The following RERE variants were observed in gnomAD, a reference collection of about 807,000 sequenced individuals.
RERE encodes arginine-glutamic acid dipeptide repeats protein.
RERE carries 40 observed loss-of-function variants against 146.1 expected under a neutral mutation model. The ratio of observed to expected loss-of-function variants is 0.27; its 90% CI spans 0.21 to 0.36. RERE has a LOEUF of 0.36. Ranked by LOEUF, RERE falls within the 10% of genes least tolerant of loss-of-function variation. RERE has a pLI of 1.00. For synonymous variants in RERE, 1,003 were observed against 866.0 expected (o/e 1.16, Z -2.78); for missense variants, 1,933 against 2,138.7 (o/e 0.90, Z 1.90).
intron 12 of RERE, among the ~76,000 whole-genome samples, chr1:8,386,674 T>G (rs928833791): frequency 2.0e-5 from 3 of 151,844 alleles, no homozygotes; most frequent in African/African-American, 7.2e-5. Context: ...AAACTCATTA[T>G]AGGATGCCCA....
intron 1 of RERE, among the ~76,000 whole-genome samples, chr1:8,715,503 C>T (rs1446378564): frequency 6.6e-6 from 1 of 151,890 alleles, no homozygotes; most frequent in Non-Finnish European, 1.5e-5. Flanking sequence ...AAGAGCGAAA[C>T]TCCGTCTTAA....
At chr1:8,770,530 C>T (rs1041933765) in intron 1 of RERE, among the ~76,000 whole-genome samples, 3 of 152,198 alleles carry the variant, frequency 2.0e-5, no homozygotes, top group African/African-American at 7.2e-5. Flanking sequence ...CTACTACGTA[C>T]TAGCTCTGTC....
intron 10 of RERE, among the ~76,000 whole-genome samples, chr1:8,473,075 G>C (rs1321074): frequency 6.6e-6 from 1 of 152,148 alleles, no homozygotes; most frequent in Non-Finnish European, 1.5e-5. Context: ...TTCCATCTCA[G>C]AACTATGCCT....
chr1:8,667,908 G>A (rs1253649959), intron 1 of RERE, among the ~76,000 whole-genome samples: 1 of 152,104 alleles, frequency 6.6e-6, no homozygotes, highest in African/African-American at 2.4e-5. Flanking sequence ...TTTGTTGTGG[G>A]GGGCTATCCT....
chr1:8,815,829 T>TTGTGTGTGTGTG (rs539845789), intron 1 of RERE, among the ~76,000 whole-genome samples: 2,019 of 149,900 alleles, frequency 0.013, 19 homozygotes, highest in Middle Eastern at 0.054. Flanking sequence ...CAGCTTGGTA[T>TTGTGTGTGTGTG]TGTGTGTGTG....
At chr1:8,608,959 C>T (rs1427835197) in intron 4 of RERE, among the ~76,000 whole-genome samples, 1 of 152,056 alleles carries the variant, frequency 6.6e-6, no homozygotes, top group Non-Finnish European at 1.5e-5. Context: ...TGGCTCATTC[C>T]TGTAATCCCA....
chr1:8,700,089 A>AAGGTC (rs1639414951), intron 1 of RERE, among the ~76,000 whole-genome samples: 1 of 152,106 alleles, frequency 6.6e-6, no homozygotes, highest in Non-Finnish European at 1.5e-5. Context: ...AGTGGATCAC[A>AAGGTC]AGGTCAGGAG....
chr1:8,534,533 C>T (rs1645699632), intron 7 of RERE, among the ~76,000 whole-genome samples: 1 of 152,178 alleles, frequency 6.6e-6, no homozygotes, highest in Non-Finnish European at 1.5e-5. Context: ...AGAGCAGCAA[C>T]ACAAAGTAAT....
At chr1:8,405,419 G>C (rs566724937) in intron 12 of RERE, among the ~76,000 whole-genome samples, 1 of 152,200 alleles carries the variant, frequency 6.6e-6, no homozygotes, top group East Asian at 1.9e-4. Flanking sequence ...TTTTAAAAAT[G>C]CAACCATCAA....
intron 7 of RERE, among the ~76,000 whole-genome samples, chr1:8,513,405 A>G (rs1232470945): frequency 6.6e-6 from 1 of 152,210 alleles, no homozygotes; most frequent in Non-Finnish European, 1.5e-5. Context: ...TTTGAATTCA[A>G]TCTGCTGCAA....
At chr1:8,719,367 A>T (rs1639820032) in intron 1 of RERE, among the ~76,000 whole-genome samples, 2 of 152,156 alleles carry the variant, frequency 1.3e-5, no homozygotes, top group South Asian at 2.1e-4. Flanking sequence ...AAAGTAATCC[A>T]CCCCTAAATG....
chr1:8,651,695 C>T (rs1647638883), intron 2 of RERE, among the ~76,000 whole-genome samples: 1 of 150,720 alleles, frequency 6.6e-6, no homozygotes, highest in African/African-American at 2.4e-5. Flanking sequence ...CACTGACAGC[C>T]TGGATGACAG....
intron 10 of RERE, among the ~76,000 whole-genome samples, chr1:8,467,217 A>G (rs1644611503): frequency 6.6e-6 from 1 of 152,254 alleles, no homozygotes; most frequent in African/African-American, 2.4e-5. Context: ...TATTTTAACA[A>G]TGAGCCAGCA....
At chr1:8,410,533 T>C (rs1643584813) in intron 12 of RERE, among the ~76,000 whole-genome samples, 1 of 152,084 alleles carries the variant, frequency 6.6e-6, no homozygotes, top group East Asian at 1.9e-4. Flanking sequence ...GCCCGAAAAA[T>C]GGAACTGTTC....
At chr1:8,698,704 G>A (rs1426335556) in intron 1 of RERE, among the ~76,000 whole-genome samples, 2 of 151,864 alleles carry the variant, frequency 1.3e-5, no homozygotes, top group South Asian at 2.1e-4. Context: ...TAGAGACAGG[G>A]TCTCGCTATG....
intron 11 of RERE, 124 bp from the exon 12 acceptor site, chr1:8,422,931 C>T (rs2124472670): frequency 1.4e-6 from 1 of 710,012 alleles, no homozygotes; most frequent in Non-Finnish European, 2.5e-6. Flanking sequence ...GGAATACTGC[C>T]GAGGCTCGGA....
chr1:8,677,306 G>GT (rs1638862177), intron 1 of RERE, among the ~76,000 whole-genome samples: 1 of 151,814 alleles, frequency 6.6e-6, no homozygotes, highest in Non-Finnish European at 1.5e-5. Flanking sequence ...GCACGTGCCT[G>GT]TAATCCCAGC....
chr1:8,694,424 G>C (rs1639276074), intron 1 of RERE, among the ~76,000 whole-genome samples: 1 of 152,132 alleles, frequency 6.6e-6, no homozygotes, highest in Non-Finnish European at 1.5e-5. Context: ...AACCAAGGAG[G>C]GGGAAAATCT....
At chr1:8,782,806 C>T (rs764348501) in intron 1 of RERE, among the ~76,000 whole-genome samples, 2 of 151,976 alleles carry the variant, frequency 1.3e-5, no homozygotes, top group Non-Finnish European at 2.9e-5. Context: ...CTCAGGAGGC[C>T]GAGGCAGGAG....
Sources: gnomAD v4.1 joint callset for allele counts (sites outside exome capture counted in the v4.1 genomes callset) on GRCh38, gnomAD v4.1.1 for gene constraint, MANE v1.5 for transcripts, NCBI Gene and HGNC (gene_info 2026-07-23, HGNC 2026-07-21) for gene names.